KIAA2012: variants seen among roughly 807,000 people sequenced by gnomAD.
The protein encoded by KIAA2012 is uncharacterized protein KIAA2012.
A neutral mutation model predicts 150.6 loss-of-function variants in KIAA2012; 125 were observed. The observed-to-expected ratio is 0.83, with a 90% CI of 0.72 to 0.96. KIAA2012 has a LOEUF of 0.96. Among genes scored for constraint, KIAA2012 ranks in the 40% least tolerant of loss-of-function variants. The pLI, the probability that KIAA2012 is intolerant of heterozygous loss-of-function variation, is 0.00. For missense variants in KIAA2012, 1,219 were observed against 1,354.9 expected (o/e 0.90, Z 1.57); for synonymous variants, 462 against 504.7 (o/e 0.92, Z 1.13).
In KIAA2012 at chr2:202,075,053, T is replaced by C. The variant is rs770678870; in HGVS notation, c.247T>C (p.Trp83Arg). ...CTCAGAAGGTTTTGCCATTTCGGCATGGACACCCAAAGAGAGGAGAAAAGG... is the reference window on the plus strand; with the variant it reads ...CTCAGAAGGTTTTGCCATTTCGGCACGGACACCCAAAGAGAGGAGAAAAGG... ...LYSEGFAISA[W>R]TPKERRKGPY... is the part of the protein sequence containing the mutation. The change falls in exon 2 of 24, where the codon TGG becomes CGG. Residue 83 changes from tryptophan (W) to arginine (R), a missense_variant. Transcript: ENST00000498697. The C allele has an allele frequency of 2.6e-6, 4 of 1,550,588 alleles. No homozygotes were observed. In the South Asian group the frequency reaches 3.6e-5, roughly 14 times the overall value.
At chr2:202,176,798 C>T (rs1283935574) in intron 15 of KIAA2012, among the ~76,000 whole-genome samples, 1 of 152,116 alleles carries the variant, frequency 6.6e-6, no homozygotes. Flanking sequence ...AAAAAGATAT[C>T]ATTTCATATA....
At chr2:202,125,680 T>G (rs767573914) in intron 12 of KIAA2012, 5 of 345,904 alleles carry the variant, frequency 1.4e-5, no homozygotes, top group Non-Finnish European at 2.8e-5. Flanking sequence ...GGAGCCGATC[T>G]GGGAAAGACT....
Position 202,109,674 on chromosome 2 carries a change from A to G in KIAA2012, c.1536A>G (p.Gly512=), listed in dbSNP as rs1176220414. 1 of 1,546,162 alleles carries G rather than the reference A, an allele frequency of 6.5e-7. No homozygotes were observed. The highest frequency in any genetic ancestry group is 8.7e-7 in the Non-Finnish European group (1 of 1,143,904). Reference sequence around the variant, plus strand: ...TGGATCTTCTACCCCCGATTAAAGGAAAAAAAAGTCCTGAGAGCCAGAAGG... The same window carrying G: ...TGGATCTTCTACCCCCGATTAAAGGGAAAAAAAGTCCTGAGAGCCAGAAGG... ...PPLDLLPPIK[G]KKSPESQKGV... The change falls in exon 10 of 24, where the codon GGA becomes GGG. Residue 512 remains glycine (G), a synonymous_variant. Transcript: ENST00000498697.
At chr2:202,092,179 C>T (rs945714846) in intron 3 of KIAA2012, among the ~76,000 whole-genome samples, 114 of 152,322 alleles carry the variant, frequency 7.5e-4, no homozygotes, top group African/African-American at 2.7e-3. Context: ...AAGATACACA[C>T]ACACATGCAT....
Position 202,184,926 on chromosome 2 carries a change from TC to T in KIAA2012, c.2210+84del, listed in dbSNP as rs1692198516. The T allele has an allele frequency of 8.5e-6, 10 of 1,172,738 alleles. No individual in the cohort carries two copies. In the South Asian group the frequency reaches 1.4e-4, roughly 17 times the overall value. 72.6% of individuals were successfully genotyped at this position (1,172,738 alleles called of 1,614,324 possible). On this transcript the variant is annotated intron_variant, in intron 16 of 23. Transcript: ENST00000498697. The stretch of plus-strand genomic sequence containing the variant: ...TTAATTGGTTTAGTTTGGTTTTTTT[TC>T]AGACAGGAATGGGAGTTCTCAGCTG...
At chr2:202,088,782 C>G (rs1689645233) in intron 2 of KIAA2012, among the ~76,000 whole-genome samples, 1 of 152,168 alleles carries the variant, frequency 6.6e-6, no homozygotes, top group Non-Finnish European at 1.5e-5. Flanking sequence ...ATTCATTTCC[C>G]CACAATATCG....
At chr2:202,151,470 G>T (rs2105950785) in intron 13 of KIAA2012, among the ~76,000 whole-genome samples, 1 of 151,366 alleles carries the variant, frequency 6.6e-6, no homozygotes, top group East Asian at 1.9e-4. Context: ...TACCCTGATT[G>T]CTAAAGATAG....
chr2:202,084,369 G>C (rs1193105035), intron 2 of KIAA2012, among the ~76,000 whole-genome samples: 1 of 152,162 alleles, frequency 6.6e-6, no homozygotes, highest in Non-Finnish European at 1.5e-5. Context: ...CCAGTGCGGG[G>C]GAAGGGACAG....
At chr2:202,140,314 G>C (rs1427598755) in intron 13 of KIAA2012, among the ~76,000 whole-genome samples, 1 of 152,196 alleles carries the variant, frequency 6.6e-6, no homozygotes, top group Non-Finnish European at 1.5e-5. Flanking sequence ...GAACACCAGA[G>C]CGAGGGGTCT....
intron 11 of KIAA2012, chr2:202,113,649 C>G: frequency 1.8e-6 from 1 of 553,098 alleles, no homozygotes; most frequent in East Asian, 3.1e-5. Flanking sequence ...TTTACTCTTG[C>G]TGGAGCATTT....
intron 8 of KIAA2012, among the ~76,000 whole-genome samples, chr2:202,105,367 A>G (rs886179849): frequency 1.3e-5 from 2 of 152,214 alleles, no homozygotes; most frequent in Non-Finnish European, 2.9e-5. Context: ...ATATGTGTGC[A>G]GTACTTTTCT....
At chr2:202,191,133 C>T (rs1034932207) in intron 19 of KIAA2012, among the ~76,000 whole-genome samples, 1 of 152,160 alleles carries the variant, frequency 6.6e-6, no homozygotes, top group Non-Finnish European at 1.5e-5. Context: ...AAAAATTAGC[C>T]AGGCACAGTG....
chr2:202,142,458 C>G (rs2105946388), intron 13 of KIAA2012, among the ~76,000 whole-genome samples: 1 of 152,312 alleles, frequency 6.6e-6, no homozygotes, highest in African/African-American at 2.4e-5. Flanking sequence ...AATCTGGAAA[C>G]AGCCTAAGAG....
chr2:202,149,490 C>T (rs1010614948), intron 13 of KIAA2012, among the ~76,000 whole-genome samples: 13 of 152,204 alleles, frequency 8.5e-5, no homozygotes, highest in Admixed American at 2.0e-4. Context: ...TCAGCTTGCC[C>T]GCAGGTTCCC....
At position 202,197,011 on chromosome 2, in the gene KIAA2012, A is replaced by G. The variant is rs1389724493; in HGVS notation, c.3399A>G (p.Glu1133=). Residue 1133 remains glutamate, a synonymous_variant, in exon 22 of 24, where the codon GAA becomes GAG. Coordinates refer to ENST00000498697, the MANE Select transcript of KIAA2012 (RefSeq NM_001277372.4). ...ALEEATKQAQ[E]QARQKAALEK... ...AAGAAGCCACGAAACAAGCCCAGGA[A>G]CAAGCCAGGTACTGGATATTTGGGC... 1.9e-6 allele frequency: 3 copies of G among 1,550,456 alleles called. No individual in the cohort carries two copies. Among genetic ancestry groups the G allele is most frequent in the South Asian group, 1.2e-5 (1 of 84,064 alleles).
chr2:202,094,669 C>A (rs766892521), intron 4 of KIAA2012, among the ~76,000 whole-genome samples: 2 of 152,066 alleles, frequency 1.3e-5, no homozygotes, highest in Non-Finnish European at 2.9e-5. Context: ...TAGGAGCACA[C>A]CACCACTCCC....
chr2:202,094,052 A>T (rs1459871775), intron 4 of KIAA2012, among the ~76,000 whole-genome samples: 2 of 152,238 alleles, frequency 1.3e-5, no homozygotes, highest in East Asian at 3.9e-4. Context: ...GAGGCCAAGG[A>T]GGGAGGATTA....
At chr2:202,158,484 C>A (rs749909163) in intron 14 of KIAA2012, among the ~76,000 whole-genome samples, 8 of 152,132 alleles carry the variant, frequency 5.3e-5, no homozygotes, top group Non-Finnish European at 1.0e-4. Flanking sequence ...GGAGAGCATT[C>A]ATTCATTTTC....
Position 202,147,162 on chromosome 2 carries a change from T to C in KIAA2012, c.1909-7511T>C, listed in dbSNP as rs1195912919. Reference sequence around the variant, plus strand: ...AGTCAATCTACCAATTGTTCCTCCCTTTCCCATCCCCAACCCCCAATTCAA... The same window carrying C: ...AGTCAATCTACCAATTGTTCCTCCCCTTCCCATCCCCAACCCCCAATTCAA... On this transcript the variant is annotated intron_variant, in intron 13 of 23. Transcript: ENST00000498697. Among the ~76,000 whole-genome samples, 4 of 152,326 alleles carry C rather than the reference T, an allele frequency of 2.6e-5. No homozygotes were observed. In the East Asian group the frequency reaches 7.7e-4, roughly 29 times the overall value.
Sources: gnomAD v4.1 joint callset for allele counts (sites outside exome capture counted in the v4.1 genomes callset) on GRCh38, gnomAD v4.1.1 for gene constraint, MANE v1.5 for transcripts, NCBI Gene and HGNC (gene_info 2026-07-23, HGNC 2026-07-21) for gene names.